The following NPAS2 variants were observed in gnomAD, a reference collection of about 807,000 sequenced individuals.
NPAS2 encodes the protein neuronal PAS domain-containing protein 2.
A neutral mutation model predicts 107.5 loss-of-function variants in NPAS2; 23 were observed. The observed-to-expected ratio is 0.21, with a 90% CI of 0.15 to 0.30. NPAS2 has a LOEUF of 0.30. Among genes scored for constraint, NPAS2 ranks in the 10% least tolerant of loss-of-function variants. NPAS2 has a pLI of 1.00. For missense variants in NPAS2, 756 were observed against 1,043.3 expected (o/e 0.72, Z 3.79); for synonymous variants, 403 against 417.5 (o/e 0.97, Z 0.42).
chr2:100,922,677 C>T, intron 2 of NPAS2, among the ~76,000 whole-genome samples: 1 of 152,120 alleles, frequency 6.6e-6, no homozygotes, highest in Non-Finnish European at 1.5e-5. Context: ...TCGGGGCCTG[C>T]CGAGAGGACC....
intron 1 of NPAS2, among the ~76,000 whole-genome samples, chr2:100,839,698 C>T (rs1399264107): frequency 6.6e-6 from 1 of 152,164 alleles, no homozygotes; most frequent in Non-Finnish European, 1.5e-5. Context: ...CCCCTGACCC[C>T]TGCATTGTTC....
At position 100,970,977 on chromosome 2, in the gene NPAS2, A is replaced by T; in HGVS notation, c.1056-13A>T. 6.2e-7 allele frequency: 1 copy of T among 1,613,570 alleles called. No individual in the cohort carries two copies. Among genetic ancestry groups the T allele is most frequent in the Non-Finnish European group, 8.5e-7 (1 of 1,179,614 alleles). ...GCCCCATCTCCACTGTGGTCTCTTAATTTCCTGTACAGTTACGCAGATGTC... is the reference window on the plus strand; with the variant it reads ...GCCCCATCTCCACTGTGGTCTCTTATTTTCCTGTACAGTTACGCAGATGTC... On this transcript the variant is annotated splice_polypyrimidine_tract_variant and intron_variant, in intron 11 of 20. Coordinates refer to ENST00000335681, the MANE Select transcript of NPAS2 (RefSeq NM_002518.4).
At chr2:100,828,267 G>C (rs1017661079) in intron 1 of NPAS2, among the ~76,000 whole-genome samples, 1 of 151,712 alleles carries the variant, frequency 6.6e-6, no homozygotes, top group African/African-American at 2.4e-5. Context: ...TTTTTTGCTT[G>C]TTCAGTTGTT....
intron 1 of NPAS2, among the ~76,000 whole-genome samples, chr2:100,854,447 T>C (rs558656630): frequency 6.6e-6 from 1 of 152,314 alleles, no homozygotes; most frequent in African/African-American, 2.4e-5. Context: ...TGCCTTTTCA[T>C]GACCCCATCC....
chr2:100,956,660 A>G lies in NPAS2; in HGVS notation c.598+7180A>G, dbSNP rs141415856. The stretch of plus-strand genomic sequence containing the variant: ...CCCTGGGCCACCACTCAAAAATCAC[A>G]TCAACAGGAAGCCTCAGGCCCCAAA... On this transcript the variant is annotated intron_variant, in intron 7 of 20. Transcript: ENST00000335681. Among the ~76,000 whole-genome samples, 845 of 152,296 alleles carry G rather than the reference A, an allele frequency of 5.5e-3. 8 individuals carry two copies. Among genetic ancestry groups the G allele is most frequent in the African/African-American group, 0.019 (795 of 41,560 alleles).
At chr2:100,975,630 C>A in intron 14 of NPAS2, 63 bp downstream of exon 14, 1 of 1,221,430 alleles carries the variant, frequency 8.2e-7, no homozygotes, top group Non-Finnish European at 1.2e-6. Flanking sequence ...GGCTGCAGAG[C>A]CAGGCGATGT....
chr2:100,851,594 C>T lies in NPAS2; in HGVS notation c.-23+31180C>T, dbSNP rs184797419. On this transcript the variant is annotated intron_variant, in intron 1 of 20. Transcript: ENST00000335681. ...GTGTGGTTAAATAAACCCTGAGCAC[C>T]CACTGGCCAGAAACACATGCAGCTA... Among the ~76,000 whole-genome samples, 249 of 152,288 alleles carry T rather than the reference C, an allele frequency of 1.6e-3. 1 individual carries two copies. The highest frequency in any genetic ancestry group is 5.5e-3 in the African/African-American group (227 of 41,564).
chr2:100,987,942 C>T (rs1573806139), intron 16 of NPAS2, 137 bp from the exon 17 acceptor site: 1 of 919,914 alleles, frequency 1.1e-6, no homozygotes, highest in Non-Finnish European at 1.7e-6. Context: ...GCTCCATGTC[C>T]ACCAGTGGAG....
intron 1 of NPAS2, among the ~76,000 whole-genome samples, chr2:100,888,582 C>T (rs1034968559): frequency 6.6e-5 from 10 of 152,134 alleles, no homozygotes; most frequent in Non-Finnish European, 1.3e-4. Flanking sequence ...TGAAATATTG[C>T]TATATTGCTG....
At chr2:100,914,489 A>T (rs973821450) in intron 2 of NPAS2, among the ~76,000 whole-genome samples, 1 of 152,134 alleles carries the variant, frequency 6.6e-6, no homozygotes, top group Non-Finnish European at 1.5e-5. Context: ...TTTTAATGTT[A>T]GCTCATTCCA....
intron 1 of NPAS2, among the ~76,000 whole-genome samples, chr2:100,836,511 G>A (rs902744579): frequency 4.6e-5 from 7 of 152,170 alleles, no homozygotes; most frequent in Non-Finnish European, 1.0e-4. Context: ...CAACGCCTGC[G>A]CCTGGGGACA....
At chr2:100,843,217 CA>C (rs67274513) in intron 1 of NPAS2, among the ~76,000 whole-genome samples, 1,975 of 141,442 alleles carry the variant, frequency 0.014, 29 homozygotes, top group African/African-American at 0.042. Flanking sequence ...GACTCTGTCT[CA>C]AAAAAAAAAA....
intron 4 of NPAS2, chr2:100,934,713 C>A (rs1684189278): frequency 1.2e-6 from 1 of 848,880 alleles, no homozygotes; most frequent in Non-Finnish European, 1.4e-6. Context: ...GTGACTGGAG[C>A]CTTCTAGCAT....
At chr2:100,962,010 CTTT>C (rs570339760) in intron 7 of NPAS2, among the ~76,000 whole-genome samples, 4 of 151,972 alleles carry the variant, frequency 2.6e-5, no homozygotes, top group African/African-American at 4.8e-5. Flanking sequence ...TCAAATGTCT[CTTT>C]TTTTTAATTA....
intron 15 of NPAS2, among the ~76,000 whole-genome samples, chr2:100,978,487 C>T (rs1264319033): frequency 1.3e-5 from 2 of 151,252 alleles, no homozygotes; most frequent in African/African-American, 2.4e-5. Flanking sequence ...ATCTAAAAGC[C>T]GTGAGTCCAG....
At chr2:100,975,350 TC>T in intron 13 of NPAS2, 107 bp from the exon 14 acceptor site, 2 of 954,084 alleles carry the variant, frequency 2.1e-6, no homozygotes, top group Middle Eastern at 2.2e-4. Flanking sequence ...TTATCAGAGA[TC>T]CCAAGCGAGC....
At chr2:100,858,762 C>T (rs1477495923) in intron 1 of NPAS2, among the ~76,000 whole-genome samples, 2 of 152,022 alleles carry the variant, frequency 1.3e-5, no homozygotes, top group Non-Finnish European at 2.9e-5. Context: ...GAAAATAGTC[C>T]TAATTACTGA....
rs546981040 is a variant in NPAS2 at position 100,826,167 on chromosome 2, G to C, written c.-23+5753G>C. On this transcript the variant is annotated intron_variant, in intron 1 of 20. Transcript: ENST00000335681. ...TGTACACTTTTAAAAACTAAGGCCG[G>C]GTGCACTGACTCACGCCTGTAATCC... 3.4e-3 allele frequency among the ~76,000 whole-genome samples: 516 copies of C among 152,284 alleles called. 1 individual carries two copies. Among genetic ancestry groups the C allele is most frequent in the Non-Finnish European group, 5.2e-3 (354 of 68,028 alleles).
chr2:100,934,772 G>C (rs1684193187), intron 4 of NPAS2: 1 of 985,244 alleles, frequency 1.0e-6, no homozygotes, highest in Non-Finnish European at 1.2e-6. Flanking sequence ...GAGATGGGGA[G>C]CTCCCACGGT....
Sources: gnomAD v4.1 joint callset for allele counts (sites outside exome capture counted in the v4.1 genomes callset) on GRCh38, gnomAD v4.1.1 for gene constraint, MANE v1.5 for transcripts, NCBI Gene and HGNC (gene_info 2026-07-23, HGNC 2026-07-21) for gene names.